Variants in FLI1 observed in about 807,000 individuals in gnomAD.
FLI1 encodes the protein Friend leukemia integration 1 transcription factor.
Under a neutral mutation model 53.1 loss-of-function variants are expected in FLI1, and 13 were observed. That is an observed-to-expected ratio of 0.24 (90% CI 0.16 to 0.39). The LOEUF is 0.39. FLI1 is among the 10% of genes least tolerant of loss of function. FLI1 has a pLI of 1.00. For missense variants in FLI1, 424 were observed against 600.5 expected (o/e 0.71, Z 3.07); for synonymous variants, 244 against 236.7 (o/e 1.03, Z -0.28).
At chr11:128,801,154 C>G (rs1038127753) in intron 5 of FLI1, among the ~76,000 whole-genome samples, 2 of 152,214 alleles carry the variant, frequency 1.3e-5, no homozygotes, top group African/African-American at 4.8e-5. Context: ...GCACCACATT[C>G]GAGAGGGCCT....
intron 1 of FLI1, among the ~76,000 whole-genome samples, chr11:128,734,089 C>T (rs1939811879): frequency 6.6e-6 from 1 of 152,224 alleles, no homozygotes; most frequent in South Asian, 2.1e-4. Context: ...ATCTTTGCTA[C>T]CACGTGCTGA....
At chr11:128,733,989 T>G (rs1939805963) in intron 1 of FLI1, among the ~76,000 whole-genome samples, 1 of 152,370 alleles carries the variant, frequency 6.6e-6, no homozygotes, top group Admixed American at 6.5e-5. Context: ...CGGGGCTTGC[T>G]GCTGAGCTGC....
At chr11:128,805,803 C>A (rs78002581) in intron 6 of FLI1, 2,627 of 180,350 alleles carry the variant, frequency 0.015, 77 homozygotes, top group African/African-American at 0.058. Context: ...TAAGTCGTAC[C>A]AATTTCCCCA....
intron 1 of FLI1, among the ~76,000 whole-genome samples, chr11:128,747,576 T>C (rs775011017): frequency 2.0e-5 from 3 of 152,254 alleles, no homozygotes; most frequent in Non-Finnish European, 4.4e-5. Flanking sequence ...ACATCTAAGC[T>C]GCTTAATGGT....
intron 2 of FLI1, among the ~76,000 whole-genome samples, chr11:128,762,576 T>C (rs943336945): frequency 6.6e-6 from 1 of 152,240 alleles, no homozygotes; most frequent in East Asian, 1.9e-4. Flanking sequence ...CTATATTGAG[T>C]TAACATATTA....
rs750084176 is a variant in FLI1 at position 128,810,848 on chromosome 11, T to G, written c.1219T>G (p.Ser407Ala). The change falls in exon 9 of 9, where the codon TCC becomes GCC. Residue 407 changes from serine to alanine, a missense_variant. Transcript: ENST00000527786. The surrounding 1 kb of genome is among the most constrained non-coding windows in gnomAD (Gnocchi z 6.6). Reference sequence around the variant, plus strand: ...GAACTTTGTCCCTCCCCATCCATCCTCCATGCCTGTCACTTCCTCCAGCTT... The same window carrying G: ...GAACTTTGTCCCTCCCCATCCATCCGCCATGCCTGTCACTTCCTCCAGCTT... The part of the protein sequence containing the change: ...KVNFVPPHPS[S>A]MPVTSSSFFG... The G allele has an allele frequency of 3.1e-6, 5 of 1,614,022 alleles. No individual in the cohort carries two copies. In the South Asian group the frequency reaches 5.5e-5, roughly 18 times the overall value.
At chr11:128,720,921 G>C (rs879577401) in intron 1 of FLI1, among the ~76,000 whole-genome samples, 11 of 152,152 alleles carry the variant, frequency 7.2e-5, no homozygotes, top group Admixed American at 1.3e-4. Flanking sequence ...TTTGTCTGGC[G>C]AGCAAGCCGG....
rs1234798086 is a variant in FLI1 at position 128,751,825 on chromosome 11, G to GTTTT, written c.19-6290_19-6289insTTTT. Among the ~76,000 whole-genome samples, 1,091 of 140,742 alleles carry GTTTT rather than the reference G, an allele frequency of 7.8e-3. 58 individuals are homozygous for GTTTT. The highest frequency in any genetic ancestry group is 0.028 in the African/African-American group (1,014 of 36,456). The allele number at this position is 140,742 out of a possible 152,430, so 92.3% of individuals were successfully genotyped here. A position where few individuals can be genotyped will look rare whatever the true frequency, so the allele number is the denominator to read the frequency against. On this transcript the variant is annotated intron_variant, in intron 1 of 8. Transcript: ENST00000527786. ...TTACAGGCGTGGGTTTTTTTTTTTG[G>GTTTT]GTTTGTTTTTTTTTTTTTGTAGAGA...
At chr11:128,689,294 G>T (rs781015678), upstream of FLI1, among the ~76,000 whole-genome samples, 26 of 152,330 alleles carry the variant, frequency 1.7e-4, no homozygotes, top group Middle Eastern at 3.4e-3. Context: ...GATGCCCGCG[G>T]AGTGCAAAGC....
At chr11:128,686,413 G>A, upstream of FLI1, 1 of 456,294 alleles carries the variant, frequency 2.2e-6, no homozygotes, top group Non-Finnish European at 4.4e-6. Context: ...GTGGCTCTCA[G>A]TTCTCACCGT....
chr11:128,786,350 G>A (rs575934420), intron 5 of FLI1, among the ~76,000 whole-genome samples: 1 of 152,298 alleles, frequency 6.6e-6, no homozygotes, highest in East Asian at 1.9e-4. Context: ...GAGACTGTAC[G>A]ATCTTGATTA....
At chr11:128,688,924 TC>T (rs1937634687), upstream of FLI1, among the ~76,000 whole-genome samples, 1 of 152,186 alleles carries the variant, frequency 6.6e-6, no homozygotes, top group Non-Finnish European at 1.5e-5. Flanking sequence ...GGTAGTCCAT[TC>T]TGCAGGCGAG....
intron 5 of FLI1, among the ~76,000 whole-genome samples, chr11:128,796,906 C>T (rs193073905): frequency 9.2e-5 from 14 of 152,304 alleles, no homozygotes; most frequent in Middle Eastern, 3.4e-3. Context: ...ATCCGGGAGA[C>T]GGAAGTTGCA....
chr11:128,765,488 G>A (rs924572233), intron 2 of FLI1, among the ~76,000 whole-genome samples: 1 of 152,188 alleles, frequency 6.6e-6, no homozygotes, highest in Non-Finnish European at 1.5e-5. Context: ...TCCACAAACG[G>A]GAGGAGCCCG....
intron 5 of FLI1, 21 bp downstream of exon 5, chr11:128,782,044 A>C (rs1941932953): frequency 1.9e-6 from 3 of 1,604,572 alleles, no homozygotes; most frequent in East Asian, 2.2e-5. Flanking sequence ...TCTTTTGTGC[A>C]CTTAAAATTT....
Position 128,758,189 on chromosome 11 carries a change from G to A in FLI1, c.93G>A (p.Lys31=). ...ACGGAGCGGCAGCCCATCTCCCCAA[G>A]GCCGACATGACTGCCTCGGGGAGTC... ...SAYGAAAHLP[K]ADMTASGSPD... is the part of the protein sequence containing the mutation. The change falls in exon 2 of 9, where the codon AAG becomes AAA. Residue 31 remains lysine (K), a synonymous_variant. Transcript: ENST00000527786. 1 of 1,613,466 alleles carries A rather than the reference G, an allele frequency of 6.2e-7. No individual in the cohort carries two copies. The highest frequency in any genetic ancestry group is 1.1e-5 in the South Asian group (1 of 90,960).
At chr11:128,759,510 T>C (rs552384485) in intron 2 of FLI1, among the ~76,000 whole-genome samples, 9 of 152,276 alleles carry the variant, frequency 5.9e-5, no homozygotes, top group South Asian at 4.1e-4. Flanking sequence ...TAAGTGATGA[T>C]AGTGATTTTG....
chr11:128,693,939 GGCGAGA>G (rs1565451234), upstream of FLI1: 1 of 238,084 alleles, frequency 4.2e-6, no homozygotes, highest in Non-Finnish European at 7.5e-6. Flanking sequence ...GAGAGCTCGA[GGCGAGA>G]GAGAGAGAGA....
chr11:128,789,672 CG>C (rs1217234147), intron 5 of FLI1, among the ~76,000 whole-genome samples: 1 of 152,160 alleles, frequency 6.6e-6, no homozygotes, highest in Middle Eastern at 3.2e-3. Context: ...CTTGGGAAGG[CG>C]GGCATTTGGC....
Sources: allele counts gnomAD v4.1 joint callset (sites outside exome capture counted in the v4.1 genomes callset), GRCh38; gene constraint gnomAD v4.1.1; non-coding constraint Gnocchi (gnomAD v3.1); transcripts MANE v1.5; gene names NCBI Gene and HGNC (gene_info 2026-07-23, HGNC 2026-07-21).